The following FUT8 variants were observed in gnomAD, a reference collection of about 807,000 sequenced individuals.
FUT8 encodes fucosyltransferase 8.
A neutral mutation model predicts 71.3 loss-of-function variants in FUT8; 29 were observed. The ratio of observed to expected loss-of-function variants is 0.41; its 90% CI spans 0.30 to 0.55. FUT8 has a LOEUF of 0.55. FUT8 is among the 20% of genes least tolerant of loss of function. The pLI, the probability that FUT8 is intolerant of heterozygous loss-of-function variation, is 0.34. For synonymous variants in FUT8, 254 were observed against 239.3 expected (o/e 1.06, Z -0.57); for missense variants, 544 against 702.1 (o/e 0.77, Z 2.55).
chr14:65,646,558 G>C (rs771655628), intron 6 of FUT8: 1 of 152,116 alleles, frequency 6.6e-6, no homozygotes, highest in Non-Finnish European at 1.5e-5. Flanking sequence ...GCCTACAATT[G>C]TGTATCAACT....
intron 7 of FUT8, among the ~76,000 whole-genome samples, chr14:65,720,290 C>T (rs1895349136): frequency 6.6e-6 from 1 of 152,204 alleles, no homozygotes; most frequent in South Asian, 2.1e-4. Context: ...GGTTCATGTT[C>T]ACTTAAGGCC....
At chr14:65,415,003 C>A (rs1249616566) in intron 1 of FUT8, among the ~76,000 whole-genome samples, 1 of 152,060 alleles carries the variant, frequency 6.6e-6, no homozygotes, top group Non-Finnish European at 1.5e-5. Flanking sequence ...TCGAAAAAAA[C>A]AAAACAAAAC....
chr14:65,584,052 T>A (rs914148508), intron 3 of FUT8, among the ~76,000 whole-genome samples: 2 of 152,070 alleles, frequency 1.3e-5, no homozygotes, highest in African/African-American at 2.4e-5. Flanking sequence ...GCTAATTTTT[T>A]GTATTTTTAG....
intron 2 of FUT8, among the ~76,000 whole-genome samples, chr14:65,533,479 G>A (rs1275296703): frequency 6.6e-6 from 1 of 152,126 alleles, no homozygotes; most frequent in East Asian, 1.9e-4. Context: ...GTATAGGAAT[G>A]GTAGTGATTT....
chr14:65,633,098 C>T (rs1430438025), intron 6 of FUT8, among the ~76,000 whole-genome samples: 3 of 150,486 alleles, frequency 2.0e-5, no homozygotes, highest in Admixed American at 6.6e-5. Flanking sequence ...GCTGCCATCT[C>T]GGCTCACTGC....
intron 3 of FUT8, among the ~76,000 whole-genome samples, chr14:65,567,605 A>G (rs1425548980): frequency 1.3e-5 from 2 of 151,974 alleles, no homozygotes; most frequent in Non-Finnish European, 2.9e-5. Context: ...AGCACCTGCC[A>G]TCTAATTATA....
chr14:65,410,269 C>T (rs775301176), upstream of FUT8, among the ~76,000 whole-genome samples: 14 of 152,002 alleles, frequency 9.2e-5, no homozygotes, highest in Non-Finnish European at 1.3e-4. Flanking sequence ...AAGTGAATTT[C>T]CTGGAAATTC....
intron 7 of FUT8, among the ~76,000 whole-genome samples, chr14:65,697,641 A>G (rs1894062022): frequency 6.6e-6 from 1 of 152,202 alleles, no homozygotes; most frequent in Non-Finnish European, 1.5e-5. Context: ...AAACAGCTAT[A>G]AAAAGGAATA....
chr14:65,522,336 A>G (rs1883136410), intron 2 of FUT8, among the ~76,000 whole-genome samples: 1 of 152,138 alleles, frequency 6.6e-6, no homozygotes, highest in South Asian at 2.1e-4. Context: ...CTTCTAATTT[A>G]CCAACTCAGA....
At chr14:65,434,881 A>T (rs1302153241) in intron 1 of FUT8, among the ~76,000 whole-genome samples, 1 of 152,064 alleles carries the variant, frequency 6.6e-6, no homozygotes, top group Non-Finnish European at 1.5e-5. Flanking sequence ...TAAAATCCAC[A>T]CTGCGATACA....
chr14:65,362,826 G>A, the FUT8 span, among the ~76,000 whole-genome samples: 1 of 152,148 alleles, frequency 6.6e-6, no homozygotes, highest in Admixed American at 6.5e-5. Flanking sequence ...GCCGGGCGTG[G>A]TGGTGTGTGC....
chr14:65,388,952 AAATG>A, the FUT8 span, among the ~76,000 whole-genome samples: 33 of 151,722 alleles, frequency 2.2e-4, no homozygotes, highest in African/African-American at 7.0e-4. Context: ...TTATATATAT[AAATG>A]AATATGTTAA....
intron 2 of FUT8, chr14:65,468,324 C>G (rs1325503173): frequency 1.7e-6 from 1 of 599,278 alleles, no homozygotes; most frequent in Non-Finnish European, 3.2e-6. Flanking sequence ...TGCCTCTCTT[C>G]TTTCCCTTTG....
chr14:65,522,009 T>G (rs1883113250), intron 2 of FUT8, among the ~76,000 whole-genome samples: 1 of 152,198 alleles, frequency 6.6e-6, no homozygotes, highest in African/African-American at 2.4e-5. Context: ...TCACCATTAA[T>G]TAGTAGCAAT....
the FUT8 span, among the ~76,000 whole-genome samples, chr14:65,382,458 T>A: frequency 2.6e-5 from 4 of 152,164 alleles, no homozygotes; most frequent in Admixed American, 6.5e-5. Flanking sequence ...TGCCTCAGCC[T>A]CCGAGTAGCT....
intron 2 of FUT8, among the ~76,000 whole-genome samples, chr14:65,548,124 C>T (rs926978758): frequency 6.6e-6 from 1 of 151,984 alleles, no homozygotes; most frequent in African/African-American, 2.4e-5. Context: ...TATTATTAGA[C>T]TGGATTCATG....
At chr14:65,518,011 T>G (rs1882826467) in intron 2 of FUT8, among the ~76,000 whole-genome samples, 1 of 152,214 alleles carries the variant, frequency 6.6e-6, no homozygotes, top group African/African-American at 2.4e-5. Context: ...TTTGGTATGT[T>G]TCAGTGGTCT....
chr14:65,502,805 C>T (rs1164370349), intron 2 of FUT8, among the ~76,000 whole-genome samples: 1 of 152,188 alleles, frequency 6.6e-6, no homozygotes, highest in Admixed American at 6.5e-5. Context: ...AGAGCTTCTT[C>T]AATTTTAATG....
At chr14:65,418,224 A>G (rs2065245759) in intron 1 of FUT8, among the ~76,000 whole-genome samples, 1 of 152,222 alleles carries the variant, frequency 6.6e-6, no homozygotes, top group Non-Finnish European at 1.5e-5. Context: ...AAAATGGGAG[A>G]GTCCTCTTAA....
Sources: allele counts gnomAD v4.1 joint callset (sites outside exome capture counted in the v4.1 genomes callset), GRCh38; gene constraint gnomAD v4.1.1; transcripts MANE v1.5; gene names NCBI Gene and HGNC (gene_info 2026-07-23, HGNC 2026-07-21).